The following GCA variants were observed in gnomAD, a reference collection of about 807,000 sequenced individuals.
The protein encoded by GCA is grancalcin, EF-hand calcium-binding protein.
Under a neutral mutation model 32.6 loss-of-function variants are expected in GCA, and 30 were observed. That is an observed-to-expected ratio of 0.92 (90% CI 0.69 to 1.25). The LOEUF (loss-of-function observed/expected upper bound fraction) is 1.25. GCA is among the 50% of genes most tolerant of loss of function. The pLI is 0.00. For synonymous variants in GCA, 102 were observed against 84.6 expected (o/e 1.21, Z -1.13); for missense variants, 291 against 266.8 (o/e 1.09, Z -0.63).
At chr2:162,349,519 T>TG (rs1558896575) in intron 2 of GCA, among the ~76,000 whole-genome samples, 1 of 151,120 alleles carries the variant, frequency 6.6e-6, no homozygotes, top group Non-Finnish European at 1.5e-5. Context: ...AAGATGTGTG[T>TG]TTTTTTTTCT....
Position 162,354,372 on chromosome 2 carries a change from G to C in GCA, c.262+1965G>C, listed in dbSNP as rs148147942. 3.2e-4 allele frequency among the ~76,000 whole-genome samples: 48 copies of C among 152,162 alleles called. 1 individual carries two copies. Among genetic ancestry groups the C allele is most frequent in the African/African-American group, 1.1e-3 (46 of 41,510 alleles). On this transcript the variant is annotated intron_variant, in intron 3 of 7. Coordinates refer to ENST00000437150, the MANE Select transcript of GCA (RefSeq NM_012198.5). ...TGGAAAGGAGAGGTGGACTCAGAAG[G>C]GTTCTCAAATCTTTTGTAAATTGTC... is the stretch of plus-strand genomic sequence containing the variant.
chr2:162,347,078 A>G (rs1048458695), intron 1 of GCA, among the ~76,000 whole-genome samples: 8 of 152,302 alleles, frequency 5.3e-5, no homozygotes, highest in African/African-American at 1.7e-4. Context: ...CCCTTTTCCC[A>G]TATTTTATAT....
intron 1 of GCA, among the ~76,000 whole-genome samples, chr2:162,333,274 C>T (rs745769671): frequency 7.6e-4 from 115 of 151,970 alleles, no homozygotes; most frequent in Non-Finnish European, 1.3e-3. Flanking sequence ...AAGCCAGTAA[C>T]GAAGAGATGA....
chr2:162,324,228 A>G (rs1463235480), intron 1 of GCA, among the ~76,000 whole-genome samples: 2 of 152,230 alleles, frequency 1.3e-5, no homozygotes, highest in Non-Finnish European at 2.9e-5. Flanking sequence ...TCTCAAGGAC[A>G]GAGGGCTTTC....
intron 1 of GCA, among the ~76,000 whole-genome samples, chr2:162,332,567 T>C (rs946280845): frequency 3.9e-5 from 6 of 151,964 alleles, no homozygotes; most frequent in African/African-American, 1.5e-4. Flanking sequence ...TCGAAGGATT[T>C]TTGCATAACT....
chr2:162,340,031 T>C (rs1338240065), upstream of GCA, among the ~76,000 whole-genome samples: 1 of 152,242 alleles, frequency 6.6e-6, no homozygotes, highest in Non-Finnish European at 1.5e-5. Context: ...TAATCAATGA[T>C]GCCCAAAGAG....
Position 162,360,631 on chromosome 2 carries a change from A to G in GCA, c.*388A>G. The G allele has an allele frequency of 1.6e-6, 2 of 1,239,554 alleles. No homozygotes were observed. The highest frequency in any genetic ancestry group is 2.0e-6 in the Non-Finnish European group (2 of 985,540). The allele number at this position is 1,239,554 out of a possible 1,614,324, so 76.8% of individuals were successfully genotyped here. On this transcript the variant is annotated 3_prime_UTR_variant, in exon 8 of 8. Transcript: ENST00000437150. The stretch of plus-strand genomic sequence containing the variant: ...AATTTATACTTATCTGAAGGTTACA[A>G]ATTAGACTTTTAAATTTTCTTTGTA...
rs895983632 is a variant in GCA at position 162,371,356 on chromosome 2, T to C, written c.417T>C (p.Pro139=). 3.9e-6 allele frequency: 5 copies of C among 1,288,532 alleles called. No individual in the cohort carries two copies. In the African/African-American group the frequency reaches 4.6e-5, roughly 12 times the overall value. The allele number at this position is 1,288,532 out of a possible 1,614,324, so 79.8% of individuals were successfully genotyped here. ...TTGAACATCTTGATACAGAAAGACC[T>C]GAATCTGTGTGCAAAAGTGACTAAG... is the stretch of plus-strand genomic sequence containing the variant. Residue 139 remains proline, a synonymous_variant, in exon 5 of 5, where the codon CCT becomes CCC. Transcript: ENST00000414723.
chr2:162,324,998 A>G (rs1305850490), intron 1 of GCA, among the ~76,000 whole-genome samples: 2 of 126,742 alleles, frequency 1.6e-5, no homozygotes, highest in Admixed American at 1.1e-4. Flanking sequence ...GGCATGGGAG[A>G]AAAAAAAAAC....
intron 1 of GCA, among the ~76,000 whole-genome samples, chr2:162,335,828 G>A (rs1298325295): frequency 6.6e-6 from 1 of 152,086 alleles, no homozygotes; most frequent in African/African-American, 2.4e-5. Flanking sequence ...CAACCCCTTC[G>A]TTATTTATTG....
intron 1 of GCA, among the ~76,000 whole-genome samples, chr2:162,325,368 C>T (rs1320147512): frequency 6.6e-6 from 1 of 152,174 alleles, no homozygotes; most frequent in African/African-American, 2.4e-5. Flanking sequence ...AGGAGGTCCT[C>T]TAACATACTG....
downstream of GCA, among the ~76,000 whole-genome samples, chr2:162,363,310 G>A (rs1685653732): frequency 6.6e-6 from 1 of 151,092 alleles, no homozygotes; most frequent in African/African-American, 2.4e-5. Flanking sequence ...TGCAACCATG[G>A]GTGTTTTATT....
In GCA at chr2:162,350,721, A is replaced by G. The variant is rs542238586; in HGVS notation, c.193-1617A>G. 7.9e-5 allele frequency among the ~76,000 whole-genome samples: 12 copies of G among 152,282 alleles called. No homozygotes were observed. The South Asian group carries it at 1.7e-3, about 21-fold the overall frequency. On this transcript the variant is annotated intron_variant, in intron 2 of 7. Coordinates refer to ENST00000437150, the MANE Select transcript of GCA (RefSeq NM_012198.5). The stretch of plus-strand genomic sequence containing the variant: ...AAATTCGCTATGTTTGAACTATTTG[A>G]TACTTTCCTTAAATTTCCCAGTCTT...
At chr2:162,344,408 C>T in intron 1 of GCA, 133 bp downstream of exon 1, 3 of 841,254 alleles carry the variant, frequency 3.6e-6, no homozygotes, top group Non-Finnish European at 5.8e-6. Context: ...GCGCCGGATT[C>T]CGGGGCTGTT....
rs1685401792 is a variant in GCA, at chr2:162,358,562, G to C, written c.455-482G>C. On this transcript the variant is annotated intron_variant, in intron 5 of 7. Coordinates refer to ENST00000437150, the MANE Select transcript of GCA (RefSeq NM_012198.5). ...CCAGGACAAAAAAGAATGTTTTTCT[G>C]TTTTTTTCCCCTGTAGAGTAATCAT... 2.6e-5 allele frequency among the ~76,000 whole-genome samples: 4 copies of C among 151,234 alleles called. No homozygotes were observed. The South Asian group carries it at 8.3e-4, about 31-fold the overall frequency.
Position 162,360,957 on chromosome 2 carries a change from CAT to C in GCA, c.*716_*717del. 8.8e-7 allele frequency: 1 copy of C among 1,131,050 alleles called. No individual in the cohort carries two copies. Among genetic ancestry groups the C allele is most frequent in the East Asian group, 4.1e-5 (1 of 24,598 alleles). The allele number at this position is 1,131,050 out of a possible 1,614,324, so 70.1% of individuals were successfully genotyped here. On this transcript the variant is annotated 3_prime_UTR_variant, in exon 8 of 8. Transcript: ENST00000437150. The stretch of plus-strand genomic sequence containing the variant: ...CTGCGTCCTATTTCATTAGTGAAGA[CAT>C]AGTTCACCTAAAATGGCATCCTGCT...
chr2:162,356,896 G>T lies in GCA; in HGVS notation c.445G>T (p.Gly149Cys), dbSNP rs773966108. 1.2e-6 allele frequency: 2 copies of T among 1,600,340 alleles called. No individual in the cohort carries two copies. Among genetic ancestry groups the T allele is most frequent in the Non-Finnish European group, 1.7e-6 (2 of 1,170,436 alleles). ...VEHHELRQAI[G>C]LMGYRLSPQT... ...ACATCATGAGTTGCGTCAAGCCATT[G>T]GTCTTATGGGTAAGAACATTAACAT... Residue 149 changes from glycine (G) to cysteine (C), a missense_variant, in exon 5 of 8, where the codon GGT (glycine) becomes TGT (cysteine). Gly to Cys is a radical substitution (Grantham distance 159). Transcript: ENST00000437150.
intron 2 of GCA, among the ~76,000 whole-genome samples, chr2:162,350,914 A>C (rs1007180019): frequency 6.6e-6 from 1 of 152,110 alleles, no homozygotes; most frequent in Non-Finnish European, 1.5e-5. Context: ...ATTTTTTCAT[A>C]TATTGAGTTC....
chr2:162,346,041 A>C (rs112658595), intron 1 of GCA, among the ~76,000 whole-genome samples: 169 of 152,306 alleles, frequency 1.1e-3, no homozygotes, highest in African/African-American at 3.8e-3. Flanking sequence ...TTGTTTATAA[A>C]AATTGTATTA....
Sources: allele counts gnomAD v4.1 joint callset (sites outside exome capture counted in the v4.1 genomes callset), GRCh38; gene constraint gnomAD v4.1.1; transcripts MANE v1.5; gene names NCBI Gene and HGNC (gene_info 2026-07-23, HGNC 2026-07-21).